FOCAD: variants seen among roughly 807,000 people sequenced by gnomAD.
FOCAD encodes KIAA1797.
FOCAD carries 198 observed loss-of-function variants against 225.6 expected under a neutral mutation model. The observed-to-expected ratio is 0.88, with a 90% confidence interval of 0.78 to 0.99. The LOEUF (loss-of-function observed/expected upper bound fraction) is 0.99, where lower values mean the gene tolerates loss of function less well. Among genes scored for constraint, FOCAD ranks in the 50% least tolerant of loss-of-function variants. The pLI is 0.00. For missense variants in FOCAD, 2,713 were observed against 2,123.6 expected (o/e 1.28, Z -5.46); for synonymous variants, 897 against 755.0 (o/e 1.19, Z -3.08).
intron 35 of FOCAD, among the ~76,000 whole-genome samples, chr9:20,955,221 C>T (rs1220036948): frequency 5.3e-5 from 8 of 152,150 alleles, no homozygotes; most frequent in Non-Finnish European, 1.0e-4. Context: ...ACTTCAGCAA[C>T]TCACTAGAGG....
At chr9:20,714,184 C>T (rs765016153) in intron 1 of FOCAD, among the ~76,000 whole-genome samples, 9 of 152,126 alleles carry the variant, frequency 5.9e-5, no homozygotes, top group Non-Finnish European at 1.0e-4. Flanking sequence ...TACTTTAAAC[C>T]GGTTGAAAAT....
intron 15 of FOCAD, among the ~76,000 whole-genome samples, chr9:20,835,109 C>CT (rs35689918): frequency 0.6 from 90,816 of 151,798 alleles, 27,398 homozygotes; most frequent in Admixed American, 0.69. Context: ...TATTTACATA[C>CT]TTGTCAGAAT....
intron 28 of FOCAD, among the ~76,000 whole-genome samples, chr9:20,939,755 C>CT (rs1564180312): frequency 8.3e-6 from 1 of 120,334 alleles, no homozygotes; most frequent in Admixed American, 8.0e-5. Context: ...TTTTTTCTTT[C>CT]TTTTTTTTAA....
intron 28 of FOCAD, among the ~76,000 whole-genome samples, chr9:20,939,150 C>CAAAAAAAAAAAAAAAAAAAAAAAAAAA (rs565280892): frequency 2.8e-5 from 2 of 72,488 alleles, no homozygotes; most frequent in Admixed American, 1.6e-4. Flanking sequence ...ACTCTCTTCT[C>CAAAAAAAAAAAAAAAAAAAAAAAAAAA]AAAAAAAAAA....
At chr9:20,861,310 A>G (rs1391498751) in intron 15 of FOCAD, among the ~76,000 whole-genome samples, 2 of 152,168 alleles carry the variant, frequency 1.3e-5, no homozygotes, top group East Asian at 1.9e-4. Flanking sequence ...CACTCTGGGT[A>G]TGCAGTTGTG....
At chr9:20,775,645 C>T (rs548618015) in intron 8 of FOCAD, among the ~76,000 whole-genome samples, 2 of 152,132 alleles carry the variant, frequency 1.3e-5, no homozygotes, top group South Asian at 4.1e-4. Flanking sequence ...CATGACTATA[C>T]TGTAAAATCC....
intron 30 of FOCAD, among the ~76,000 whole-genome samples, chr9:20,947,246 A>G (rs1837268170): frequency 6.6e-6 from 1 of 152,234 alleles, no homozygotes; most frequent in Non-Finnish European, 1.5e-5. Flanking sequence ...AATATGTATA[A>G]GAAAATTTAA....
At chr9:20,959,680 T>A (rs1346954835) in intron 35 of FOCAD, among the ~76,000 whole-genome samples, 1 of 152,162 alleles carries the variant, frequency 6.6e-6, no homozygotes, top group Non-Finnish European at 1.5e-5. Context: ...TACATTTATG[T>A]CTTTGATGCA....
At chr9:20,918,228 G>T (rs1834034357) in intron 24 of FOCAD, among the ~76,000 whole-genome samples, 1 of 152,200 alleles carries the variant, frequency 6.6e-6, no homozygotes, top group Non-Finnish European at 1.5e-5. Flanking sequence ...CTTGAATGCA[G>T]AAGAAACTAC....
At chr9:20,668,935 G>A (rs1016705264) in intron 2 of FOCAD, among the ~76,000 whole-genome samples, 3 of 151,664 alleles carry the variant, frequency 2.0e-5, no homozygotes, top group Non-Finnish European at 2.9e-5. Flanking sequence ...CTAGGTTCAC[G>A]GTTAGCCTCC....
chr9:20,719,784 T>TTTC (rs1825634344), intron 3 of FOCAD, among the ~76,000 whole-genome samples: 2 of 140,516 alleles, frequency 1.4e-5, no homozygotes, highest in Admixed American at 7.1e-5. Flanking sequence ...TAGGCTTTTT[T>TTTC]TTTTTTTTTT....
At chr9:20,739,478 C>CTG (rs1042309471) in intron 4 of FOCAD, among the ~76,000 whole-genome samples, 26 of 152,138 alleles carry the variant, frequency 1.7e-4, no homozygotes, top group African/African-American at 5.8e-4. Context: ...TGGCACATGC[C>CTG]TGTAATCCCA....
chr9:20,860,342 A>G (rs374420007), intron 15 of FOCAD, among the ~76,000 whole-genome samples: 2 of 152,098 alleles, frequency 1.3e-5, no homozygotes, highest in African/African-American at 2.4e-5. Context: ...AGACTGCGCA[A>G]TTTACAAAAG....
intron 22 of FOCAD, among the ~76,000 whole-genome samples, chr9:20,912,450 C>A: frequency 6.6e-6 from 1 of 152,002 alleles, no homozygotes; most frequent in Non-Finnish European, 1.5e-5. Flanking sequence ...GTGTTACATA[C>A]TTTAGCTTGT....
At chr9:20,886,363 T>C (rs1427764259) in intron 21 of FOCAD, among the ~76,000 whole-genome samples, 3 of 152,104 alleles carry the variant, frequency 2.0e-5, no homozygotes, top group Admixed American at 6.6e-5. Flanking sequence ...TTAGTTGGCA[T>C]AGAGAAGGGA....
intron 35 of FOCAD, among the ~76,000 whole-genome samples, chr9:20,968,431 CTTTTTTT>C (rs35624897): frequency 9.2e-5 from 4 of 43,618 alleles, no homozygotes; most frequent in African/African-American, 2.6e-4. Flanking sequence ...TTTTCTTATT[CTTTTTTT>C]TTTTTTTTTT....
At chr9:20,891,494 GA>G (rs1831612367) in intron 21 of FOCAD, among the ~76,000 whole-genome samples, 1 of 152,202 alleles carries the variant, frequency 6.6e-6, no homozygotes, top group African/African-American at 2.4e-5. Flanking sequence ...TGAGTGATAA[GA>G]AAGCAAAACA....
chr9:20,717,919 G>T (rs377744866), intron 3 of FOCAD, 51 bp downstream of exon 3: 2 of 1,424,696 alleles, frequency 1.4e-6, no homozygotes, highest in Admixed American at 1.7e-5. Context: ...ATTGCTACTA[G>T]CTGGATCACA....
intron 15 of FOCAD, among the ~76,000 whole-genome samples, chr9:20,858,577 T>C (rs1321929732): frequency 6.6e-6 from 1 of 152,174 alleles, no homozygotes; most frequent in African/African-American, 2.4e-5. Flanking sequence ...AATCTTTTTG[T>C]TGCTTTTCAG....
Sources: gnomAD v4.1 joint callset for allele counts (sites outside exome capture counted in the v4.1 genomes callset) on GRCh38, gnomAD v4.1.1 for gene constraint, MANE v1.5 for transcripts, NCBI Gene and HGNC (gene_info 2026-07-23, HGNC 2026-07-21) for gene names.